The following FAT3 variants were observed in gnomAD, a reference collection of about 807,000 sequenced individuals.
FAT3 encodes protocadherin Fat 3.
FAT3 carries 95 observed loss-of-function variants against 310.2 expected under a neutral mutation model. The observed-to-expected ratio is 0.31, with a 90% CI of 0.26 to 0.36. The LOEUF is 0.36. Ranked by LOEUF, FAT3 falls within the 10% of genes least tolerant of loss-of-function variation. The pLI is 1.00. For synonymous variants in FAT3, 2,314 were observed against 2,192.9 expected, an observed-to-expected ratio of 1.06 and a Z score of -1.54; for missense variants, 5,408 against 5,715.6, an observed-to-expected ratio of 0.95 and a Z score of 1.74.
At chr11:92,836,936 C>T (rs912970612) in intron 16 of FAT3, among the ~76,000 whole-genome samples, 3 of 152,054 alleles carry the variant, frequency 2.0e-5, no homozygotes, top group African/African-American at 7.2e-5. Flanking sequence ...ATGTATCTTT[C>T]TAGGTGGTTT....
chr11:92,831,553 C>A, intron 13 of FAT3, 69 bp from the exon 14 acceptor site: 1 of 1,367,832 alleles, frequency 7.3e-7, no homozygotes, highest in Non-Finnish European at 9.9e-7. Flanking sequence ...GTCTGCAAAG[C>A]TGTAACATTC....
intron 1 of FAT3, among the ~76,000 whole-genome samples, chr11:92,341,915 A>T (rs1310310165): frequency 2.0e-5 from 3 of 152,136 alleles, no homozygotes; most frequent in East Asian, 1.9e-4. Flanking sequence ...AGATATAGCT[A>T]ATATTATCCC....
chr11:92,455,016 G>C (rs979336742), intron 2 of FAT3, among the ~76,000 whole-genome samples: 3 of 152,064 alleles, frequency 2.0e-5, no homozygotes, highest in Non-Finnish European at 4.4e-5. Flanking sequence ...TATGCTTATA[G>C]AACAGGGAGT....
intron 1 of FAT3, among the ~76,000 whole-genome samples, chr11:92,273,644 C>T (rs1290172352): frequency 6.6e-6 from 1 of 151,882 alleles, no homozygotes; most frequent in Non-Finnish European, 1.5e-5. Flanking sequence ...GTCAGAGGGT[C>T]CAGAAGATGG....
chr11:92,647,277 A>G, intron 3 of FAT3, among the ~76,000 whole-genome samples: 1 of 152,314 alleles, frequency 6.6e-6, no homozygotes, highest in Middle Eastern at 3.4e-3. Flanking sequence ...TAAAAGTTTG[A>G]TCTTTATTTT....
chr11:92,551,414 T>TTGTTGTGTGTGTGTGTGTG (rs35238743), intron 3 of FAT3, among the ~76,000 whole-genome samples: 1 of 128,876 alleles, frequency 7.8e-6, no homozygotes, highest in Admixed American at 8.4e-5. Context: ...TTTTTTTGTT[T>TTGTTGTGTGTGTGTGTGTG]TGTGTGTGTG....
Position 92,411,154 on chromosome 11 carries a change from T to A in FAT3, c.3292+55750T>A, listed in dbSNP as rs962243915. Reference sequence around the variant, plus strand: ...TTATATATTATATATATAAATTATATATATATAATATATATATAAATATAT... The same window carrying A: ...TTATATATTATATATATAAATTATAAATATATAATATATATATAAATATAT... On this transcript the variant is annotated intron_variant, in intron 2 of 27. Transcript: ENST00000525166. Among the ~76,000 whole-genome samples the A allele has an allele frequency of 1.3e-3, 191 of 142,944 alleles. 2 individuals are homozygous for A. Among genetic ancestry groups the A allele is most frequent in the African/African-American group, 4.7e-3 (186 of 39,260 alleles). 93.8% of individuals were successfully genotyped at this position (142,944 alleles called of 152,430 possible).
intron 4 of FAT3, among the ~76,000 whole-genome samples, chr11:92,748,476 C>A (rs531738884): frequency 3.0e-4 from 45 of 152,056 alleles, no homozygotes; most frequent in Non-Finnish European, 5.4e-4. Context: ...CTCCTTTCTT[C>A]TCCTTCCTTC....
chr11:92,601,082 T>G (rs2135588010), intron 3 of FAT3, among the ~76,000 whole-genome samples: 1 of 151,922 alleles, frequency 6.6e-6, no homozygotes, highest in Middle Eastern at 3.4e-3. Flanking sequence ...GAGTTTAGAT[T>G]TTATTATAAG....
chr11:92,464,359 C>T (rs1269031421), intron 2 of FAT3, among the ~76,000 whole-genome samples: 1 of 152,192 alleles, frequency 6.6e-6, no homozygotes, highest in Non-Finnish European at 1.5e-5. Flanking sequence ...ATGCAGTTAC[C>T]ATCTTCAAAT....
chr11:92,565,421 G>A (rs1955395107), intron 3 of FAT3, among the ~76,000 whole-genome samples: 1 of 130,042 alleles, frequency 7.7e-6, no homozygotes, highest in Admixed American at 8.4e-5. Context: ...AAAGAGTCCA[G>A]GACCAGATGG....
At chr11:92,885,142 C>T (rs1949768167) in intron 24 of FAT3, among the ~76,000 whole-genome samples, 2 of 152,278 alleles carry the variant, frequency 1.3e-5, no homozygotes, top group South Asian at 2.1e-4. Flanking sequence ...AAGAGCTTCT[C>T]AGTAGAGCCA....
In FAT3 at chr11:92,882,958, C is replaced by T. The variant is rs1949708635; in HGVS notation, c.12502C>T (p.Leu4168=). 1 of 1,613,718 alleles carries T rather than the reference C, an allele frequency of 6.2e-7. No homozygotes were observed. The highest frequency in any genetic ancestry group is 1.3e-5 in the African/African-American group (1 of 74,948). ...CGTGGTCCTCTTCGTCATCTTCATC[C>T]TGGTGGTTCTCTTCATAGTCTTCCG... The part of the protein sequence containing the change: ...IAVVLFVIFI[L]VVLFIVFRKK... The change falls in exon 24 of 28, where the codon CTG becomes TTG. Residue 4168 remains leucine, a synonymous_variant. Transcript: ENST00000525166.
intron 1 of FAT3, among the ~76,000 whole-genome samples, chr11:92,311,261 G>GA (rs1370115926): frequency 6.6e-6 from 1 of 151,944 alleles, no homozygotes; most frequent in Non-Finnish European, 1.5e-5. Context: ...GAGCTTTATT[G>GA]AAAAAAATGA....
chr11:92,832,753 G>A (rs1948300425), intron 14 of FAT3, among the ~76,000 whole-genome samples: 1 of 152,106 alleles, frequency 6.6e-6, no homozygotes, highest in Non-Finnish European at 1.5e-5. Context: ...AAATGTTCAT[G>A]GGGATGAGCC....
rs142921419 is a variant in FAT3 at position 92,393,452 on chromosome 11, C to T, written c.3292+38048C>T. 2.2e-3 allele frequency among the ~76,000 whole-genome samples: 340 copies of T among 152,224 alleles called. 1 individual carries two copies. The highest frequency in any genetic ancestry group is 7.1e-3 in the African/African-American group (297 of 41,542). On this transcript the variant is annotated intron_variant, in intron 2 of 27. Transcript: ENST00000525166. Reference sequence around the variant, plus strand: ...CTTTGAGACTCTTCTGCCAGGATTTCGCCGCCAAACCATCTGAACCATATG... The same window carrying T: ...CTTTGAGACTCTTCTGCCAGGATTTTGCCGCCAAACCATCTGAACCATATG...
intron 2 of FAT3, chr11:92,400,603 A>G (rs879579461): frequency 6.6e-6 from 1 of 152,126 alleles, no homozygotes; most frequent in Non-Finnish European, 1.5e-5. Flanking sequence ...GCATTTTCTT[A>G]TAAACAGCGC....
intron 1 of FAT3, among the ~76,000 whole-genome samples, chr11:92,267,977 T>G (rs768296821): frequency 8.6e-5 from 13 of 151,766 alleles, no homozygotes; most frequent in Admixed American, 3.9e-4. Context: ...AGGTTTTTCT[T>G]CCTTCAGTGT....
intron 4 of FAT3, among the ~76,000 whole-genome samples, chr11:92,722,542 C>G (rs543915098): frequency 3.9e-4 from 60 of 152,270 alleles, no homozygotes; most frequent in African/African-American, 1.4e-3. Flanking sequence ...GAACAGTGGC[C>G]CTCTTCTCAC....
Sources: gnomAD v4.1 joint callset for allele counts (sites outside exome capture counted in the v4.1 genomes callset) on GRCh38, gnomAD v4.1.1 for gene constraint, MANE v1.5 for transcripts, NCBI Gene and HGNC (gene_info 2026-07-23, HGNC 2026-07-21) for gene names.